The following LTBP1 variants were observed in gnomAD, a reference collection of about 807,000 sequenced individuals.
The protein encoded by LTBP1 is latent-transforming growth factor beta-binding protein 1.
A neutral mutation model predicts 207.6 loss-of-function variants in LTBP1; 129 were observed. The observed-to-expected ratio is 0.62, with a 90% CI of 0.54 to 0.72. LTBP1 has a LOEUF of 0.72. Ranked by LOEUF, LTBP1 falls within the 30% of genes least tolerant of loss-of-function variation. The probability of loss-of-function intolerance (pLI) is 0.00; values close to 1 mark genes in which losing one functional copy is unlikely to be tolerated. For synonymous variants in LTBP1, 963 were observed against 833.7 expected (o/e 1.16, Z -2.67); for missense variants, 2,281 against 2,217.2 (o/e 1.03, Z -0.58).
chr2:33,238,370 C>A (rs529816819), intron 9 of LTBP1, among the ~76,000 whole-genome samples: 1 of 152,276 alleles, frequency 6.6e-6, no homozygotes, highest in South Asian at 2.1e-4. Context: ...TACATACTTT[C>A]CTGTAGGAGA....
intron 3 of LTBP1, among the ~76,000 whole-genome samples, chr2:33,071,021 T>G (rs1299503697): frequency 6.6e-6 from 1 of 152,222 alleles, no homozygotes; most frequent in Non-Finnish European, 1.5e-5. Context: ...TCTTTAATCA[T>G]ACATGATCTG....
chr2:32,969,231 G>A (rs1285819694), intron 2 of LTBP1, among the ~76,000 whole-genome samples: 1 of 72,112 alleles, frequency 1.4e-5, no homozygotes. Context: ...TGGCCAATTT[G>A]TGTGTGTGTG....
chr2:33,168,803 A>G (rs1047786670), intron 5 of LTBP1, among the ~76,000 whole-genome samples: 2 of 152,198 alleles, frequency 1.3e-5, no homozygotes, highest in Non-Finnish European at 2.9e-5. Flanking sequence ...TACACAGGCT[A>G]TTATGTATGC....
intron 2 of LTBP1, among the ~76,000 whole-genome samples, chr2:32,973,899 G>T (rs1241062927): frequency 1.3e-5 from 2 of 152,104 alleles, no homozygotes; most frequent in Non-Finnish European, 2.9e-5. Flanking sequence ...ATGACTTCCA[G>T]TTCCATCCTT....
chr2:33,059,524 A>G (rs758585852), intron 3 of LTBP1, among the ~76,000 whole-genome samples: 14 of 152,180 alleles, frequency 9.2e-5, no homozygotes, highest in Non-Finnish European at 2.1e-4. Flanking sequence ...AAATTTGGAT[A>G]AAAAACAGAG....
At chr2:33,124,276 G>A (rs966097215) in intron 4 of LTBP1, among the ~76,000 whole-genome samples, 2 of 152,188 alleles carry the variant, frequency 1.3e-5, no homozygotes, top group African/African-American at 4.8e-5. Flanking sequence ...CGGGCATGGT[G>A]CTACATGTCT....
At chr2:33,161,515 C>T (rs1408873265) in intron 5 of LTBP1, among the ~76,000 whole-genome samples, 1 of 152,190 alleles carries the variant, frequency 6.6e-6, no homozygotes, top group Non-Finnish European at 1.5e-5. Context: ...GATCCACCTG[C>T]CTCAGCCTTC....
intron 24 of LTBP1, among the ~76,000 whole-genome samples, chr2:33,336,072 T>A (rs1018781377): frequency 6.6e-6 from 1 of 152,148 alleles, no homozygotes; most frequent in African/African-American, 2.4e-5. Context: ...CCACAGTAGC[T>A]CTAGTGTCTA....
chr2:33,381,541 G>T (rs142918779), intron 31 of LTBP1, among the ~76,000 whole-genome samples: 1 of 152,210 alleles, frequency 6.6e-6, no homozygotes, highest in African/African-American at 2.4e-5. Flanking sequence ...CCCTGTCCTC[G>T]ACAAGTACAA....
intron 25 of LTBP1, among the ~76,000 whole-genome samples, chr2:33,344,918 T>C (rs1223173753): frequency 6.6e-6 from 1 of 152,216 alleles, no homozygotes; most frequent in Non-Finnish European, 1.5e-5. Context: ...CCCTGCTTAA[T>C]GTTCATTTCT....
At chr2:33,339,193 G>C (rs1313155866) in intron 24 of LTBP1, among the ~76,000 whole-genome samples, 1 of 152,074 alleles carries the variant, frequency 6.6e-6, no homozygotes, top group Non-Finnish European at 1.5e-5. Context: ...TGACAGATTG[G>C]ATTTGCTGAT....
At chr2:33,387,915 A>T (rs1432155015) in intron 31 of LTBP1, among the ~76,000 whole-genome samples, 1 of 152,158 alleles carries the variant, frequency 6.6e-6, no homozygotes, top group East Asian at 1.9e-4. Context: ...TGCCCCACTC[A>T]TGTCCATCTG....
intron 9 of LTBP1, among the ~76,000 whole-genome samples, chr2:33,240,943 C>A (rs941976292): frequency 6.6e-6 from 1 of 152,140 alleles, no homozygotes; most frequent in African/African-American, 2.4e-5. Flanking sequence ...AGCCACCGCG[C>A]CCGGCCAGAA....
chr2:33,142,137 C>T (rs537111710), intron 5 of LTBP1, among the ~76,000 whole-genome samples: 19 of 152,152 alleles, frequency 1.2e-4, no homozygotes, highest in East Asian at 3.9e-4. Flanking sequence ...CTGCAAGCTC[C>T]GCCTCCCGGG....
At chr2:33,361,404 T>TC (rs747174291) in intron 27 of LTBP1, 25 bp from the exon 28 acceptor site, 21 of 1,452,306 alleles carry the variant, frequency 1.4e-5, no homozygotes, top group Non-Finnish European at 1.9e-5. Flanking sequence ...AATCTTTTTT[T>TC]TTTTTTTGTC....
chr2:33,073,173 A>G (rs1168020183), intron 3 of LTBP1, among the ~76,000 whole-genome samples: 1 of 152,226 alleles, frequency 6.6e-6, no homozygotes, highest in African/African-American at 2.4e-5. Context: ...GAAGGTGCAG[A>G]GAGCTAGAAG....
At chr2:33,348,798 G>C (rs986117927) in intron 26 of LTBP1, among the ~76,000 whole-genome samples, 2 of 152,222 alleles carry the variant, frequency 1.3e-5, no homozygotes, top group African/African-American at 4.8e-5. Context: ...ATCACACTCT[G>C]TAGAGGAAGG....
At chr2:33,364,165 G>T in intron 29 of LTBP1, 51 bp from the exon 30 acceptor site, 2 of 1,589,110 alleles carry the variant, frequency 1.3e-6, no homozygotes, top group South Asian at 2.3e-5. Context: ...AAGTGTATGA[G>T]GTACAACTGA....
intron 2 of LTBP1, among the ~76,000 whole-genome samples, chr2:32,967,714 A>C (rs1680209668): frequency 1.3e-5 from 2 of 152,196 alleles, no homozygotes; most frequent in Non-Finnish European, 2.9e-5. Context: ...AAGTTTGTTA[A>C]GATGTGTTTT....
Sources: gnomAD v4.1 joint callset for allele counts (sites outside exome capture counted in the v4.1 genomes callset) on GRCh38, gnomAD v4.1.1 for gene constraint, MANE v1.5 for transcripts, NCBI Gene and HGNC (gene_info 2026-07-23, HGNC 2026-07-21) for gene names.